Variants in STK32B observed in about 807,000 individuals in gnomAD.
STK32B encodes serine/threonine-protein kinase 32B.
A neutral mutation model predicts 52.6 loss-of-function variants in STK32B; 43 were observed. That is an observed-to-expected ratio of 0.82 (90% CI 0.64 to 1.05). The LOEUF (loss-of-function observed/expected upper bound fraction) is 1.05, where lower values mean the gene tolerates loss of function less well. Ranked by LOEUF, STK32B falls within the 50% of genes least tolerant of loss-of-function variation. The pLI, the probability that STK32B is intolerant of heterozygous loss-of-function variation, is 0.00. For missense variants in STK32B, 621 were observed against 534.6 expected (o/e 1.16, Z -1.59); for synonymous variants, 238 against 204.3 (o/e 1.17, Z -1.41).
At chr4:5,038,857 A>G in the STK32B span, among the ~76,000 whole-genome samples, 1 of 152,174 alleles carries the variant, frequency 6.6e-6, no homozygotes, top group Non-Finnish European at 1.5e-5. Context: ...CTTTAATAAT[A>G]AATTAGCCTT....
intron 4 of STK32B, among the ~76,000 whole-genome samples, chr4:5,384,873 G>A (rs2109027643): frequency 6.6e-6 from 1 of 152,260 alleles, no homozygotes; most frequent in South Asian, 2.1e-4. Flanking sequence ...TGGCCATGGA[G>A]TGAGTGGCGG....
At chr4:5,317,681 G>C (rs899480914) in intron 3 of STK32B, among the ~76,000 whole-genome samples, 14 of 149,782 alleles carry the variant, frequency 9.3e-5, no homozygotes, top group African/African-American at 3.5e-4. Context: ...GTCAGACAAG[G>C]TGCCATCTGC....
At chr4:5,334,228 T>A (rs1732471936) in intron 4 of STK32B, among the ~76,000 whole-genome samples, 1 of 152,052 alleles carries the variant, frequency 6.6e-6, no homozygotes, top group South Asian at 2.1e-4. Flanking sequence ...TATTTTATTG[T>A]CTTTGAAGCA....
chr4:5,347,085 G>A (rs934912613), intron 4 of STK32B, among the ~76,000 whole-genome samples: 14 of 152,276 alleles, frequency 9.2e-5, no homozygotes, highest in African/African-American at 3.1e-4. Context: ...GGGGATTATG[G>A]GGATTACAAT....
intron 3 of STK32B, among the ~76,000 whole-genome samples, chr4:5,192,700 C>CGGTG (rs1721314405): frequency 1.3e-5 from 2 of 151,420 alleles, no homozygotes; most frequent in Non-Finnish European, 2.9e-5. Context: ...ACCCATCCAC[C>CGGTG]ACCTCACACA....
Position 5,159,674 on chromosome 4 carries a change from AATAT to A in STK32B, c.109-8618_109-8615del, listed in dbSNP as rs1245054115. On this transcript the variant is annotated intron_variant, in intron 2 of 11. Coordinates refer to ENST00000282908, the MANE Select transcript of STK32B (RefSeq NM_018401.3). ...ATGAATATATATATGAATGTATATGAATATATATATGAATATATATGAATATATA... is the reference window on the plus strand; with the variant it reads ...ATGAATATATATATGAATGTATATGAATATATGAATATATATGAATATATA... Among the ~76,000 whole-genome samples the A allele has an allele frequency of 2.4e-4, 14 of 59,038 alleles. 4 individuals carry two copies. Among genetic ancestry groups the A allele is most frequent in the African/African-American group, 1.0e-3 (11 of 11,024 alleles). 38.7% of individuals were successfully genotyped at this position (59,038 alleles called of 152,430 possible).
chr4:5,475,054 G>A (rs1220907876), intron 11 of STK32B, among the ~76,000 whole-genome samples: 1 of 152,134 alleles, frequency 6.6e-6, no homozygotes, highest in Non-Finnish European at 1.5e-5. Context: ...AGTCTAAAAG[G>A]CTGTGTGGAT....
rs540952871 is a variant in STK32B at position 5,448,815 on chromosome 4, C to T, written c.666+2039C>T. Among the ~76,000 whole-genome samples the T allele has an allele frequency of 7.2e-5, 11 of 152,270 alleles. No individual in the cohort carries two copies. In the South Asian group the frequency reaches 1.7e-3, roughly 23 times the overall value. Reference sequence around the variant, plus strand: ...AAATCTTTCTCCCAGATATATTTGACTGGCTGCTTCTTTGACCCAAAGGAC... The same window carrying T: ...AAATCTTTCTCCCAGATATATTTGATTGGCTGCTTCTTTGACCCAAAGGAC... On this transcript the variant is annotated intron_variant, in intron 7 of 11. Transcript: ENST00000282908.
intron 3 of STK32B, among the ~76,000 whole-genome samples, chr4:5,290,023 G>A (rs912369464): frequency 9.9e-5 from 15 of 151,902 alleles, no homozygotes; most frequent in African/African-American, 2.7e-4. Context: ...AAACTCCACC[G>A]TCAAGTAACC....
Position 5,306,309 on chromosome 4 carries a change from G to A in STK32B, c.261-24911G>A, listed in dbSNP as rs942918753. Among the ~76,000 whole-genome samples, 3 of 152,076 alleles carry A rather than the reference G, an allele frequency of 2.0e-5. 1 individual carries two copies. Among genetic ancestry groups the A allele is most frequent in the Admixed American group, 1.3e-4 (2 of 15,264 alleles). ...CTAGTGCTGTCCGTGGAATATTGAA[G>A]TCCCCCATTATTATTGCATTGCTGT... is the stretch of plus-strand genomic sequence containing the variant. On this transcript the variant is annotated intron_variant, in intron 3 of 11. Transcript: ENST00000282908.
At chr4:5,024,364 G>A in the STK32B span, among the ~76,000 whole-genome samples, 1 of 152,152 alleles carries the variant, frequency 6.6e-6, no homozygotes, top group African/African-American at 2.4e-5. Flanking sequence ...TGTCTGTTCT[G>A]GTGATTCCAG....
intron 7 of STK32B, among the ~76,000 whole-genome samples, chr4:5,452,104 A>AT (rs1308826842): frequency 6.6e-6 from 1 of 152,152 alleles, no homozygotes; most frequent in Non-Finnish European, 1.5e-5. Flanking sequence ...ATGTGTTCCC[A>AT]TCCACATTCT....
chr4:5,341,239 T>C (rs2108970052), intron 4 of STK32B, among the ~76,000 whole-genome samples: 1 of 152,326 alleles, frequency 6.6e-6, no homozygotes, highest in South Asian at 2.1e-4. Context: ...GCTAAGCCTC[T>C]AACCCAAGGT....
chr4:5,308,893 A>C (rs1321716408), intron 3 of STK32B, among the ~76,000 whole-genome samples: 1 of 152,130 alleles, frequency 6.6e-6, no homozygotes, highest in Non-Finnish European at 1.5e-5. Context: ...TAAATGTCCT[A>C]GACAGAACAA....
intron 3 of STK32B, among the ~76,000 whole-genome samples, chr4:5,185,526 T>G (rs956253117): frequency 5.1e-4 from 78 of 152,292 alleles, no homozygotes; most frequent in Non-Finnish European, 3.1e-4. Flanking sequence ...GCTGAAGTAG[T>G]GGAGGGCAGG....
intron 3 of STK32B, among the ~76,000 whole-genome samples, chr4:5,255,357 T>C (rs757402997): frequency 1.3e-5 from 2 of 152,210 alleles, no homozygotes; most frequent in South Asian, 4.1e-4. Flanking sequence ...TCTTGTATTA[T>C]TTTCAGATCA....
chr4:5,448,494 C>T (rs1560422533), intron 7 of STK32B, among the ~76,000 whole-genome samples: 1 of 152,246 alleles, frequency 6.6e-6, no homozygotes, highest in South Asian at 2.1e-4. Flanking sequence ...TTGCCCTAAA[C>T]GTGACTGGGC....
chr4:5,055,307 C>T (rs1427713380), intron 1 of STK32B, among the ~76,000 whole-genome samples: 3 of 150,778 alleles, frequency 2.0e-5, no homozygotes, highest in African/African-American at 7.3e-5. Flanking sequence ...CTCTGTTGCC[C>T]GAGCTCACAA....
At chr4:5,183,459 AAG>A (rs1442539522) in intron 3 of STK32B, among the ~76,000 whole-genome samples, 1 of 151,968 alleles carries the variant, frequency 6.6e-6, no homozygotes, top group Non-Finnish European at 1.5e-5. Context: ...CCTGGGCAAA[AAG>A]AGCAAAACTC....
Sources: allele counts gnomAD v4.1 joint callset (sites outside exome capture counted in the v4.1 genomes callset), GRCh38; gene constraint gnomAD v4.1.1; transcripts MANE v1.5; gene names NCBI Gene and HGNC (gene_info 2026-07-23, HGNC 2026-07-21).